Variants in UGT2A1 observed in about 807,000 individuals in gnomAD.
UGT2A1 encodes UDP-glucuronosyltransferase 2A1.
In UGT2A1, 61 loss-of-function variants were observed where a neutral mutation model predicts 45.4. The ratio of observed to expected loss-of-function variants is 1.34; its 90% CI spans 1.09 to 1.66. The LOEUF is 1.66. Ranked by LOEUF, UGT2A1 falls within the 40% of genes most tolerant of loss-of-function variation. The pLI, the probability that UGT2A1 is intolerant of heterozygous loss-of-function variation, is 0.00. For missense variants in UGT2A1, 649 were observed against 574.3 expected (o/e 1.13, Z -1.33); for synonymous variants, 229 against 196.2 (o/e 1.17, Z -1.40).
At chr4:69,599,101 A>G (rs1719102575) in intron 4 of UGT2A1, 145 bp downstream of exon 4, 2 of 1,211,380 alleles carry the variant, frequency 1.7e-6, no homozygotes, top group Non-Finnish European at 2.2e-6. Flanking sequence ...CACTTGTAGG[A>G]GACCTCTATC....
intron 3 of UGT2A1, among the ~76,000 whole-genome samples, chr4:69,615,668 T>A (rs553942723): frequency 9.2e-5 from 14 of 151,734 alleles, no homozygotes; most frequent in South Asian, 2.1e-4. Flanking sequence ...TGAGATATCA[T>A]CTGAGCCCAG....
In UGT2A1 at chr4:69,626,877, TC is replaced by T. The variant is rs141383252; in HGVS notation, c.847+8813del. The stretch of plus-strand genomic sequence containing the variant: ...ATTTTGGAACCTTCTTCACAGTAGT[TC>T]CTGTATTCTTTTGAAATGGCTCCAT... On this transcript the variant is annotated intron_variant, in intron 3 of 6. Coordinates refer to ENST00000286604, the MANE Select transcript of UGT2A1 (RefSeq NM_001252275.3). Among the ~76,000 whole-genome samples, 51 of 151,926 alleles carry T rather than the reference TC, an allele frequency of 3.4e-4. No individual in the cohort carries two copies. The East Asian group carries it at 9.3e-3, about 28-fold the overall frequency.
chr4:69,646,860 A>T (rs993495485), intron 2 of UGT2A1, 70 bp downstream of exon 2: 2 of 1,085,644 alleles, frequency 1.8e-6, no homozygotes, highest in Non-Finnish European at 2.6e-6. Context: ...GACATAGGGA[A>T]ATAAAGAAGA....
Position 69,617,972 on chromosome 4 carries a change from C to A in UGT2A1, c.847+17719G>T, listed in dbSNP as rs189251845. The stretch of plus-strand genomic sequence containing the variant: ...CTAACATTATTGTGTTCAAATATGT[C>A]TTTCGGAAATCATTCACATTTGGGA... On this transcript the variant is annotated intron_variant, in intron 3 of 6. Transcript: ENST00000286604. 9.2e-5 allele frequency among the ~76,000 whole-genome samples: 14 copies of A among 151,912 alleles called. No individual in the cohort carries two copies. The East Asian group carries it at 2.7e-3, about 30-fold the overall frequency.
chr4:69,590,289 G>C (rs570945758), intron 6 of UGT2A1, among the ~76,000 whole-genome samples: 1 of 152,280 alleles, frequency 6.6e-6, no homozygotes, highest in South Asian at 2.1e-4. Context: ...CCTAGAATTA[G>C]AGCTCTAAAT....
chr4:69,621,716 G>A (rs1360087790), intron 3 of UGT2A1, among the ~76,000 whole-genome samples: 2 of 151,872 alleles, frequency 1.3e-5, no homozygotes, highest in South Asian at 4.2e-4. Context: ...GTTCATTTCA[G>A]CATGATTCAC....
intron 3 of UGT2A1, among the ~76,000 whole-genome samples, chr4:69,619,281 G>A (rs1038426583): frequency 5.9e-5 from 9 of 151,672 alleles, no homozygotes; most frequent in Non-Finnish European, 1.2e-4. Flanking sequence ...CATGCGTGTA[G>A]TCCAGCTACT....
intron 3 of UGT2A1, among the ~76,000 whole-genome samples, chr4:69,607,507 G>A (rs970680184): frequency 2.6e-5 from 4 of 151,840 alleles, no homozygotes; most frequent in South Asian, 2.1e-4. Context: ...ACATAGGCAT[G>A]GGCAAGGACT....
At chr4:69,619,035 G>A (rs1318381860) in intron 3 of UGT2A1, among the ~76,000 whole-genome samples, 2 of 151,712 alleles carry the variant, frequency 1.3e-5, no homozygotes, top group Non-Finnish European at 2.9e-5. Context: ...TACAATATAT[G>A]TATATACATT....
chr4:69,645,545 T>G (rs1337710747), intron 2 of UGT2A1, among the ~76,000 whole-genome samples: 1 of 151,696 alleles, frequency 6.6e-6, no homozygotes, highest in Non-Finnish European at 1.5e-5. Flanking sequence ...ACTGCATTAT[T>G]TTCCTCCATT....
At chr4:69,617,430 CAT>C (rs1720466682) in intron 3 of UGT2A1, among the ~76,000 whole-genome samples, 2 of 151,768 alleles carry the variant, frequency 1.3e-5, no homozygotes, top group Admixed American at 6.6e-5. Context: ...ATGTTTATAA[CAT>C]GTAAGAAATG....
intron 2 of UGT2A1, among the ~76,000 whole-genome samples, chr4:69,642,865 T>A (rs1034632715): frequency 6.6e-6 from 1 of 151,616 alleles, no homozygotes; most frequent in Non-Finnish European, 1.5e-5. Flanking sequence ...GGTAACAATA[T>A]GTAATGCTTA....
intron 3 of UGT2A1, among the ~76,000 whole-genome samples, chr4:69,608,676 A>T (rs993998749): frequency 2.0e-5 from 3 of 152,170 alleles, no homozygotes; most frequent in East Asian, 1.9e-4. Context: ...TGCAAAATAC[A>T]CACAAAAAAT....
chr4:69,609,151 T>C (rs1446524238), intron 3 of UGT2A1, among the ~76,000 whole-genome samples: 1 of 91,912 alleles, frequency 1.1e-5, no homozygotes, highest in Non-Finnish European at 2.2e-5. Context: ...CTAGAATATA[T>C]AAGATTTTTT....
chr4:69,639,009 T>A, intron 2 of UGT2A1: 1 of 1,613,294 alleles, frequency 6.2e-7, no homozygotes, highest in Non-Finnish European at 8.5e-7. Context: ...GGTCATCTGG[T>A]CAGTGAGCTC....
At chr4:69,621,370 T>C (rs531370979) in intron 3 of UGT2A1, among the ~76,000 whole-genome samples, 15 of 152,058 alleles carry the variant, frequency 9.9e-5, no homozygotes, top group African/African-American at 3.6e-4. Flanking sequence ...AAGACATACA[T>C]GCAACCATCA....
At chr4:69,643,541 T>C (rs1349875732) in intron 2 of UGT2A1, among the ~76,000 whole-genome samples, 4 of 151,630 alleles carry the variant, frequency 2.6e-5, no homozygotes, top group South Asian at 4.2e-4. Context: ...GTAAATCACT[T>C]ATCACAGTGG....
At chr4:69,610,895 G>A (rs2109916335) in intron 3 of UGT2A1, among the ~76,000 whole-genome samples, 1 of 152,234 alleles carries the variant, frequency 6.6e-6, no homozygotes, top group South Asian at 2.1e-4. Flanking sequence ...CACTGGTTAG[G>A]AAGTTAAATT....
In UGT2A1 at chr4:69,589,502, T is replaced by C. The variant is rs1189386850; in HGVS notation, c.1454A>G (p.Gln485Arg). Residue 485 changes from glutamine to arginine, a missense_variant, in exon 7 of 7, where the codon CAG becomes CGG. Coordinates refer to ENST00000286604, the MANE Select transcript of UGT2A1 (RefSeq NM_001252275.3). ...CCCAATTACATCCAAAGAGTGGTACTGGAACCAGGTGAGGTCATGGGCTGC... is the reference window on the plus strand; with the variant it reads ...CCCAATTACATCCAAAGAGTGGTACCGGAACCAGGTGAGGTCATGGGCTGC... ...RVAAHDLTWFQYHSLDVIGFL... is the reference protein window; with the variant it reads ...RVAAHDLTWFRYHSLDVIGFL... 6.2e-7 allele frequency: 1 copy of C among 1,614,124 alleles called. No individual in the cohort carries two copies. The highest frequency in any genetic ancestry group is 1.1e-5 in the South Asian group (1 of 91,082).
Sources: gnomAD v4.1 joint callset for allele counts (sites outside exome capture counted in the v4.1 genomes callset) on GRCh38, gnomAD v4.1.1 for gene constraint, MANE v1.5 for transcripts, NCBI Gene and HGNC (gene_info 2026-07-23, HGNC 2026-07-21) for gene names.